Variants in RALGPS1 observed in about 807,000 individuals in gnomAD.
RALGPS1 encodes ras-specific guanine nucleotide-releasing factor RalGPS1.
A neutral mutation model predicts 78.8 loss-of-function variants in RALGPS1; 19 were observed. That is an observed-to-expected ratio of 0.24 (90% CI 0.17 to 0.35). The LOEUF (loss-of-function observed/expected upper bound fraction) is 0.35, where lower values mean the gene tolerates loss of function less well. Ranked by LOEUF, RALGPS1 falls within the 10% of genes least tolerant of loss-of-function variation. The probability of loss-of-function intolerance (pLI) is 1.00; values close to 1 mark genes in which losing one functional copy is unlikely to be tolerated. For missense variants in RALGPS1, 454 were observed against 688.3 expected (o/e 0.66, Z 3.81); for synonymous variants, 228 against 256.3 (o/e 0.89, Z 1.06).
intron 1 of RALGPS1, among the ~76,000 whole-genome samples, chr9:126,921,878 G>A (rs1056423636): frequency 1.3e-5 from 2 of 152,222 alleles, no homozygotes; most frequent in East Asian, 3.8e-4. Flanking sequence ...TTTTCACCCA[G>A]GGTAGTAAGA....
At chr9:127,066,648 A>C (rs114855297) in intron 7 of RALGPS1, among the ~76,000 whole-genome samples, 1,693 of 152,208 alleles carry the variant, frequency 0.011, 30 homozygotes, top group African/African-American at 0.038. Context: ...CTCCACAAAG[A>C]CAAAACAAAA....
intron 5 of RALGPS1, among the ~76,000 whole-genome samples, chr9:127,048,665 C>T (rs10819264): frequency 0.46 from 69,760 of 152,138 alleles, 16,602 homozygotes; most frequent in Non-Finnish European, 0.51. Context: ...CAGGAATCTA[C>T]TAAATTGTAC....
At chr9:127,040,292 T>G (rs768610712) in intron 5 of RALGPS1, among the ~76,000 whole-genome samples, 1 of 151,960 alleles carries the variant, frequency 6.6e-6, no homozygotes, top group African/African-American at 2.4e-5. Context: ...TCCAAGCTAC[T>G]TGGGAGGCTG....
intron 8 of RALGPS1, among the ~76,000 whole-genome samples, chr9:127,105,982 TTTACA>T (rs1234774513): frequency 6.6e-6 from 1 of 152,206 alleles, no homozygotes; most frequent in Non-Finnish European, 1.5e-5. Flanking sequence ...TTGTCCCCAT[TTTACA>T]GAGGAGAAAA....
At chr9:126,975,890 C>G (rs1315061930) in intron 3 of RALGPS1, among the ~76,000 whole-genome samples, 1 of 152,200 alleles carries the variant, frequency 6.6e-6, no homozygotes. Context: ...TCCCACCTCT[C>G]AGCCAGGCTG....
intron 4 of RALGPS1, among the ~76,000 whole-genome samples, chr9:127,020,837 T>C (rs7856712): frequency 0.14 from 21,156 of 152,198 alleles, 4,832 homozygotes; most frequent in African/African-American, 0.48. Flanking sequence ...TGAACACATA[T>C]GAGGATTTGA....
intron 4 of RALGPS1, among the ~76,000 whole-genome samples, chr9:126,989,338 A>G (rs772277306): frequency 1.3e-5 from 2 of 152,124 alleles, no homozygotes; most frequent in Non-Finnish European, 2.9e-5. Flanking sequence ...GTGTGTAGAG[A>G]TGACAACAGG....
intron 1 of RALGPS1, among the ~76,000 whole-genome samples, chr9:126,941,209 A>G (rs996268786): frequency 3.3e-5 from 5 of 151,798 alleles, no homozygotes; most frequent in African/African-American, 1.2e-4. Flanking sequence ...AATGGATTCA[A>G]AGATAGGAAG....
chr9:127,184,340 A>G, intron 11 of RALGPS1: 1 of 339,678 alleles, frequency 2.9e-6, no homozygotes, highest in Non-Finnish European at 5.7e-6. Context: ...AAAAAAAGGA[A>G]ATGAACCAGG....
chr9:127,018,392 C>T (rs1190298941), intron 4 of RALGPS1, among the ~76,000 whole-genome samples: 1 of 151,772 alleles, frequency 6.6e-6, no homozygotes. Context: ...AATCCCAACA[C>T]TTTGGGAGGC....
chr9:126,921,563 G>A (rs1564254191), intron 1 of RALGPS1, among the ~76,000 whole-genome samples: 1 of 152,196 alleles, frequency 6.6e-6, no homozygotes, highest in South Asian at 2.1e-4. Flanking sequence ...CAAGTCTGTC[G>A]TGTTCTTCTT....
intron 11 of RALGPS1, among the ~76,000 whole-genome samples, chr9:127,189,138 T>C (rs1462957990): frequency 1.3e-5 from 2 of 151,586 alleles, no homozygotes; most frequent in African/African-American, 4.8e-5. Context: ...GTGGCCTCAC[T>C]CAGTGAGGTT....
intron 8 of RALGPS1, among the ~76,000 whole-genome samples, chr9:127,120,640 G>T (rs978805034): frequency 6.6e-6 from 1 of 152,154 alleles, no homozygotes; most frequent in Non-Finnish European, 1.5e-5. Flanking sequence ...TGGCTAACGT[G>T]GTGAAACCCG....
chr9:127,000,071 C>T (rs2043148451), intron 4 of RALGPS1, among the ~76,000 whole-genome samples: 1 of 152,160 alleles, frequency 6.6e-6, no homozygotes, highest in South Asian at 2.1e-4. Flanking sequence ...TCTCATTCCT[C>T]ATATTGGTAA....
At chr9:127,075,858 A>G (rs866963758) in intron 8 of RALGPS1, among the ~76,000 whole-genome samples, 7 of 152,342 alleles carry the variant, frequency 4.6e-5, no homozygotes, top group Non-Finnish European at 8.8e-5. Context: ...GACTATTCAC[A>G]TATGTGTCTC....
intron 8 of RALGPS1, among the ~76,000 whole-genome samples, chr9:127,120,582 G>A (rs964854802): frequency 5.9e-5 from 9 of 152,202 alleles, no homozygotes; most frequent in Non-Finnish European, 1.3e-4. Flanking sequence ...CCAGCACTTC[G>A]GGAGGCCGAG....
chr9:127,050,747 G>T (rs891316857), intron 6 of RALGPS1, among the ~76,000 whole-genome samples: 5 of 151,990 alleles, frequency 3.3e-5, no homozygotes, highest in Non-Finnish European at 5.9e-5. Context: ...GTACTGTCAC[G>T]CCCAGTAGCT....
At chr9:127,139,231 T>C (rs1389570877) in intron 8 of RALGPS1, among the ~76,000 whole-genome samples, 2 of 152,170 alleles carry the variant, frequency 1.3e-5, no homozygotes, top group Non-Finnish European at 2.9e-5. Context: ...AGTTGACAAG[T>C]CACCCATGTT....
chr9:127,098,205 T>C (rs1281205758), intron 8 of RALGPS1, among the ~76,000 whole-genome samples: 3 of 152,220 alleles, frequency 2.0e-5, no homozygotes, highest in Admixed American at 1.3e-4. Flanking sequence ...TATATTGACA[T>C]GAAGAATGGA....
Sources: gnomAD v4.1 joint callset for allele counts (sites outside exome capture counted in the v4.1 genomes callset) on GRCh38, gnomAD v4.1.1 for gene constraint, MANE v1.5 for transcripts, NCBI Gene and HGNC (gene_info 2026-07-23, HGNC 2026-07-21) for gene names.